Variants in OR6N1 observed in about 807,000 individuals in gnomAD.
OR6N1 encodes the protein olfactory receptor 6N1.
For synonymous variants in OR6N1, 170 were observed against 150.7 expected (o/e 1.13, Z -0.94); for missense variants, 394 against 371.7 (o/e 1.06, Z -0.49).
chr1:158,799,304 C>G, the OR6N1 span, among the ~76,000 whole-genome samples: 2 of 152,118 alleles, frequency 1.3e-5, no homozygotes, highest in African/African-American at 4.8e-5. Flanking sequence ...TACGTTTAGA[C>G]CTTAATAAAC....
intron 1 of OR6N1, among the ~76,000 whole-genome samples, chr1:158,769,878 C>T (rs1193523116): frequency 6.6e-6 from 1 of 152,176 alleles, no homozygotes. Context: ...TTTCTCACCG[C>T]ATATCCATGT....
chr1:158,824,367 C>G, the OR6N1 span, among the ~76,000 whole-genome samples: 1 of 152,062 alleles, frequency 6.6e-6, no homozygotes, highest in Non-Finnish European at 1.5e-5. Flanking sequence ...TCCAATAAAC[C>G]TTTTTTTCTG....
the OR6N1 span, among the ~76,000 whole-genome samples, chr1:158,832,284 T>C: frequency 2.5e-4 from 38 of 152,026 alleles, no homozygotes; most frequent in African/African-American, 8.2e-4. Flanking sequence ...CATGAGTACT[T>C]GAGAAGAGTT....
chr1:158,796,585 A>C, the OR6N1 span, among the ~76,000 whole-genome samples: 2 of 151,962 alleles, frequency 1.3e-5, no homozygotes, highest in Admixed American at 1.3e-4. Flanking sequence ...TCACTATTTC[A>C]ATTTCTTTGT....
the OR6N1 span, among the ~76,000 whole-genome samples, chr1:158,816,903 G>A: frequency 1.3e-5 from 2 of 152,228 alleles, no homozygotes; most frequent in South Asian, 4.1e-4. Flanking sequence ...TCCACTGCCA[G>A]TGTCTCATTT....
chr1:158,776,991 C>T, upstream of OR6N1: 1 of 1,614,092 alleles, frequency 6.2e-7, no homozygotes, highest in Non-Finnish European at 8.5e-7. Flanking sequence ...CATAAGAAAT[C>T]ATGATAAAGA....
the OR6N1 span, among the ~76,000 whole-genome samples, chr1:158,817,523 G>C: frequency 6.6e-6 from 1 of 152,170 alleles, no homozygotes; most frequent in South Asian, 2.1e-4. Flanking sequence ...ATTTTCTAGT[G>C]CTGCTTTTTG....
At chr1:158,802,468 C>G in the OR6N1 span, among the ~76,000 whole-genome samples, 1 of 151,876 alleles carries the variant, frequency 6.6e-6, no homozygotes, top group African/African-American at 2.4e-5. Context: ...TTGGCCTCCC[C>G]GTCATAGCTT....
rs1363230646 is a variant in OR6N1 at position 158,765,720 on chromosome 1, C to T, written c.*24G>A. ...GGGGCCACCATATCCTCAGGCCCGG[C>T]CTTGGCCTACTCTCAGCCCCAACTC... On this transcript the variant is annotated 3_prime_UTR_variant, in exon 2 of 2. Transcript: ENST00000641846. 6 of 1,585,072 alleles carry T rather than the reference C, an allele frequency of 3.8e-6. No homozygotes were observed. Among genetic ancestry groups the T allele is most frequent in the Non-Finnish European group, 5.2e-6 (6 of 1,157,082 alleles).
chr1:158,821,563 T>A, the OR6N1 span, among the ~76,000 whole-genome samples: 8 of 152,234 alleles, frequency 5.3e-5, no homozygotes, highest in Non-Finnish European at 1.2e-4. Flanking sequence ...CCTTTTCAGA[T>A]TAGCTTCTTT....
chr1:158,820,397 T>C, the OR6N1 span, among the ~76,000 whole-genome samples: 13 of 152,238 alleles, frequency 8.5e-5, no homozygotes, highest in Non-Finnish European at 1.8e-4. Context: ...TCATTGTAAA[T>C]TGTAGGGCAA....
chr1:158,829,079 CT>C, the OR6N1 span, among the ~76,000 whole-genome samples: 1 of 152,212 alleles, frequency 6.6e-6, no homozygotes, highest in East Asian at 1.9e-4. Context: ...CGTGAAACCA[CT>C]TTTTCCTCTT....
At chr1:158,808,672 A>G in the OR6N1 span, 9 of 152,834 alleles carry the variant, frequency 5.9e-5, no homozygotes, top group Admixed American at 2.0e-4. Flanking sequence ...TCAGCACAGC[A>G]TTCAGGATAC....
the OR6N1 span, among the ~76,000 whole-genome samples, chr1:158,813,249 G>C: frequency 7.2e-5 from 11 of 152,078 alleles, no homozygotes; most frequent in Admixed American, 1.3e-4. Context: ...CCCAGTAATC[G>C]TATTTCTAAG....
At chr1:158,802,598 C>G in the OR6N1 span, among the ~76,000 whole-genome samples, 2 of 152,062 alleles carry the variant, frequency 1.3e-5, no homozygotes, top group African/African-American at 4.8e-5. Flanking sequence ...CCCTACTAAC[C>G]TCACCACATC....
At chr1:158,797,725 T>C in the OR6N1 span, among the ~76,000 whole-genome samples, 1 of 152,178 alleles carries the variant, frequency 6.6e-6, no homozygotes, top group African/African-American at 2.4e-5. Context: ...TGTTAATGAA[T>C]GATATTATCA....
intron 1 of OR6N1, among the ~76,000 whole-genome samples, chr1:158,771,400 A>T (rs1224710658): frequency 2.6e-5 from 4 of 152,208 alleles, no homozygotes; most frequent in Non-Finnish European, 4.4e-5. Flanking sequence ...GTGGGTAATG[A>T]AAAAGAGGGC....
chr1:158,768,831 T>C (rs1657343211), intron 1 of OR6N1, among the ~76,000 whole-genome samples: 1 of 152,204 alleles, frequency 6.6e-6, no homozygotes, highest in African/African-American at 2.4e-5. Context: ...GCTATTGCCT[T>C]TCTCTACTTA....
the OR6N1 span, among the ~76,000 whole-genome samples, chr1:158,822,190 C>CT: frequency 1.3e-5 from 2 of 152,040 alleles, no homozygotes; most frequent in African/African-American, 2.4e-5. Context: ...TATTTGGGCT[C>CT]TTTTTTGGTT....
Sources: allele counts gnomAD v4.1 joint callset (sites outside exome capture counted in the v4.1 genomes callset), GRCh38; gene constraint gnomAD v4.1.1; transcripts MANE v1.5; gene names NCBI Gene and HGNC (gene_info 2026-07-23, HGNC 2026-07-21).